Variants in KALRN observed in about 807,000 individuals in gnomAD.
KALRN encodes kalirin.
KALRN carries 70 observed loss-of-function variants against 353.7 expected under a neutral mutation model. That is an observed-to-expected ratio of 0.20 (90% CI 0.16 to 0.24). The LOEUF (loss-of-function observed/expected upper bound fraction) is 0.24. KALRN is among the 10% of genes least tolerant of loss of function. KALRN has a pLI of 1.00. For missense variants in KALRN, 2,791 were observed against 3,756.7 expected (o/e 0.74, Z 6.72); for synonymous variants, 1,391 against 1,434.8 (o/e 0.97, Z 0.69).
chr3:124,080,644 A>T (rs749734258), intron 1 of KALRN, among the ~76,000 whole-genome samples: 2 of 152,232 alleles, frequency 1.3e-5, no homozygotes, highest in Non-Finnish European at 2.9e-5. Context: ...TAAAATCATC[A>T]TAAACAGCGT....
At chr3:124,352,744 C>T (rs1344457414) in intron 10 of KALRN, among the ~76,000 whole-genome samples, 1 of 151,386 alleles carries the variant, frequency 6.6e-6, no homozygotes, top group Non-Finnish European at 1.5e-5. Flanking sequence ...AACCATCATT[C>T]TCAGCAAAGT....
chr3:124,118,737 A>G (rs1205564164), intron 1 of KALRN, among the ~76,000 whole-genome samples: 2 of 152,216 alleles, frequency 1.3e-5, no homozygotes, highest in Admixed American at 1.3e-4. Context: ...TTACTTGAAC[A>G]TTTATTATAT....
intron 5 of KALRN, among the ~76,000 whole-genome samples, chr3:124,276,577 G>A (rs1394648076): frequency 6.6e-6 from 1 of 152,166 alleles, no homozygotes; most frequent in Non-Finnish European, 1.5e-5. Context: ...TCCCCATGAG[G>A]CAGCAGTAAC....
chr3:124,451,097 G>C (rs1408000362), intron 21 of KALRN, among the ~76,000 whole-genome samples: 1 of 151,926 alleles, frequency 6.6e-6, no homozygotes, highest in Admixed American at 6.6e-5. Context: ...AATAATGAAA[G>C]GCAAATATAG....
intron 39 of KALRN, among the ~76,000 whole-genome samples, chr3:124,656,163 C>T (rs529386259): frequency 1.4e-4 from 21 of 151,616 alleles, no homozygotes; most frequent in Non-Finnish European, 2.4e-4. Context: ...AGTTAAGAGT[C>T]GACTTGGTAG....
At chr3:124,407,985 G>A (rs1048989703) in intron 13 of KALRN, among the ~76,000 whole-genome samples, 2 of 152,080 alleles carry the variant, frequency 1.3e-5, no homozygotes, top group Non-Finnish European at 1.5e-5. Flanking sequence ...GTGTTAGCTA[G>A]GATGGGCTCG....
intron 3 of KALRN, among the ~76,000 whole-genome samples, chr3:124,262,593 T>G (rs1276522344): frequency 6.6e-6 from 1 of 152,208 alleles, no homozygotes; most frequent in Non-Finnish European, 1.5e-5. Context: ...CTTTCTCTCA[T>G]GCTGGAGAGA....
chr3:124,222,422 T>C (rs895484832), intron 1 of KALRN, among the ~76,000 whole-genome samples: 1 of 152,122 alleles, frequency 6.6e-6, no homozygotes, highest in Non-Finnish European at 1.5e-5. Context: ...CTTCCCATGG[T>C]AGGGGCCAGA....
Position 124,719,017 on chromosome 3 carries a change from C to T in KALRN, c.8508C>T (p.His2836=). 6.2e-7 allele frequency: 1 copy of T among 1,614,168 alleles called. No individual in the cohort carries two copies. Among genetic ancestry groups the T allele is most frequent in the Non-Finnish European group, 8.5e-7 (1 of 1,180,016 alleles). Reference sequence around the variant, plus strand: ...CTGTCCAGATCTCGGGTCACTTCCACATTCACCACCTGCTGGGGAACCCTG... The same window carrying T: ...CTGTCCAGATCTCGGGTCACTTCCATATTCACCACCTGCTGGGGAACCCTG... ...EDAVQISGHF[H]IHHLLGNPEF... The change falls in exon 60 of 60, where the codon CAC becomes CAT. Residue 2836 remains histidine (H), a synonymous_variant. Transcript: ENST00000682506. This position sits in a 1 kb window ranked among gnomAD's most constrained non-coding sequence, Gnocchi z 5.3.
intron 6 of KALRN, among the ~76,000 whole-genome samples, chr3:124,299,609 T>C (rs1160233011): frequency 6.6e-6 from 1 of 152,202 alleles, no homozygotes; most frequent in Non-Finnish European, 1.5e-5. Flanking sequence ...TACCTCTCTA[T>C]GCTTCAGTTT....
At chr3:124,388,218 A>AT (rs960960104) in intron 11 of KALRN, among the ~76,000 whole-genome samples, 6 of 151,782 alleles carry the variant, frequency 4.0e-5, no homozygotes, top group South Asian at 4.2e-4. Flanking sequence ...TACAACACTC[A>AT]TTTTTTTTCC....
At chr3:124,316,039 C>T (rs1399382954) in intron 6 of KALRN, among the ~76,000 whole-genome samples, 6 of 152,078 alleles carry the variant, frequency 3.9e-5, no homozygotes, top group South Asian at 4.1e-4. Flanking sequence ...CAGGACGAGA[C>T]GGGCGGATGA....
intron 37 of KALRN, among the ~76,000 whole-genome samples, chr3:124,650,274 C>T (rs570064033): frequency 1.3e-5 from 2 of 152,292 alleles, no homozygotes; most frequent in South Asian, 2.1e-4. Context: ...AGGGGTTGTA[C>T]AGCTATTATC....
rs1560463723 is a variant in KALRN, at chr3:124,286,140, C to CTTTCTTTCT, written c.970-12648_970-12640dup. Among the ~76,000 whole-genome samples the CTTTCTTTCT allele has an allele frequency of 8.9e-4, 24 of 26,850 alleles. 1 individual carries two copies. The East Asian group carries it at 0.021, about 24-fold the overall frequency. 17.6% of individuals were successfully genotyped at this position (26,850 alleles called of 152,430 possible). ...CTTTCTTTCTTTCTTTCTTTCTTTC[C>CTTTCTTTCT]TTTCTTTCTTTCCTTTCTTTCGTCT... On this transcript the variant is annotated intron_variant, in intron 5 of 59. Coordinates refer to ENST00000682506, the MANE Select transcript of KALRN (RefSeq NM_001388419.1).
intron 33 of KALRN, among the ~76,000 whole-genome samples, chr3:124,547,027 C>G (rs2069760283): frequency 6.6e-6 from 1 of 152,208 alleles, no homozygotes. Flanking sequence ...GGAGAACTTT[C>G]TATGCAGTCT....
In KALRN at chr3:124,725,822, C is replaced by G. The variant is rs1045375975; in HGVS notation, c.*6352C>G. The G allele has an allele frequency of 6.6e-6, 1 of 152,204 alleles. No individual in the cohort carries two copies. The highest frequency in any genetic ancestry group is 1.5e-5 in the Non-Finnish European group (1 of 68,038). The allele number at this position is 152,204 out of a possible 1,614,324, so 9.4% of individuals were successfully genotyped here. On this transcript the variant is annotated 3_prime_UTR_variant, in exon 60 of 60. Coordinates refer to ENST00000682506, the MANE Select transcript of KALRN (RefSeq NM_001388419.1). ...TTGGTTTTGAGTGACCCCTGCCCCCCTCAAGTCTTTTGAGAATTTGGAGTG... is the reference window on the plus strand; with the variant it reads ...TTGGTTTTGAGTGACCCCTGCCCCCGTCAAGTCTTTTGAGAATTTGGAGTG...
intron 51 of KALRN, among the ~76,000 whole-genome samples, chr3:124,682,300 C>T (rs534749090): frequency 6.6e-6 from 1 of 152,308 alleles, no homozygotes; most frequent in African/African-American, 2.4e-5. Context: ...CAACCTCACC[C>T]TTGTCTTCTG....
Position 124,292,268 on chromosome 3 carries a change from C to T in KALRN, c.970-6523C>T, listed in dbSNP as rs536125005. ...CACTTTGTAGGATCTCATCCCTGGGCCATGTTCACAAAGGACCTTGCCCTC... is the reference window on the plus strand; with the variant it reads ...CACTTTGTAGGATCTCATCCCTGGGTCATGTTCACAAAGGACCTTGCCCTC... On this transcript the variant is annotated intron_variant, in intron 5 of 59. Coordinates refer to ENST00000682506, the MANE Select transcript of KALRN (RefSeq NM_001388419.1). Among the ~76,000 whole-genome samples the T allele has an allele frequency of 4.1e-4, 63 of 152,270 alleles. 1 individual carries two copies. In the South Asian group the frequency reaches 7.7e-3, roughly 19 times the overall value.
intron 1 of KALRN, among the ~76,000 whole-genome samples, chr3:124,214,088 T>C (rs1370821478): frequency 6.6e-6 from 1 of 152,126 alleles, no homozygotes; most frequent in East Asian, 1.9e-4. Flanking sequence ...AAGTTAAACA[T>C]TAACAAAATC....
Sources: allele counts gnomAD v4.1 joint callset (sites outside exome capture counted in the v4.1 genomes callset), GRCh38; gene constraint gnomAD v4.1.1; non-coding constraint Gnocchi (gnomAD v3.1); transcripts MANE v1.5; gene names NCBI Gene and HGNC (gene_info 2026-07-23, HGNC 2026-07-21).